Variants in KIF21A observed in about 807,000 individuals in gnomAD.
The protein encoded by KIF21A is kinesin family member 21A, also known as kinesin-like protein KIF21A.
A neutral mutation model predicts 202.9 loss-of-function variants in KIF21A; 114 were observed. The observed-to-expected ratio is 0.56, with a 90% CI of 0.48 to 0.66. KIF21A has a LOEUF of 0.66. Among genes scored for constraint, KIF21A ranks in the 30% least tolerant of loss-of-function variants. The pLI is 0.00. For synonymous variants in KIF21A, 667 were observed against 670.8 expected (o/e 0.99, Z 0.09); for missense variants, 1,677 against 1,994.9 (o/e 0.84, Z 3.04).
At chr12:39,433,695 A>G (rs528018770) in intron 1 of KIF21A, among the ~76,000 whole-genome samples, 1 of 152,356 alleles carries the variant, frequency 6.6e-6, no homozygotes, top group Admixed American at 6.5e-5. Flanking sequence ...GAAGAACTGT[A>G]CTAATTAAAA....
intron 1 of KIF21A, among the ~76,000 whole-genome samples, chr12:39,431,176 C>T (rs1937842291): frequency 6.6e-6 from 1 of 152,110 alleles, no homozygotes; most frequent in African/African-American, 2.4e-5. Flanking sequence ...AAGTAATGTC[C>T]AGAGATGACC....
chr12:39,414,862 A>C (rs1953409492), intron 1 of KIF21A, among the ~76,000 whole-genome samples: 1 of 152,112 alleles, frequency 6.6e-6, no homozygotes, highest in Non-Finnish European at 1.5e-5. Flanking sequence ...AACATGATGA[A>C]GATTACTTAC....
At chr12:39,427,663 TTTTG>T (rs112181911) in intron 1 of KIF21A, among the ~76,000 whole-genome samples, 3 of 152,160 alleles carry the variant, frequency 2.0e-5, no homozygotes, top group African/African-American at 7.2e-5. Flanking sequence ...ATTGCATCTT[TTTTG>T]TTTGTTTGTT....
At chr12:39,333,536 G>A (rs909312324) in intron 17 of KIF21A, among the ~76,000 whole-genome samples, 2 of 151,926 alleles carry the variant, frequency 1.3e-5, no homozygotes, top group African/African-American at 2.4e-5. Context: ...TGATACATTT[G>A]GTGCTTACTA....
chr12:39,294,293 A>G lies in KIF21A; in HGVS notation c.*131T>C. 1 of 699,376 alleles carries G rather than the reference A, an allele frequency of 1.4e-6. No homozygotes were observed. The highest frequency in any genetic ancestry group is 2.1e-5 in the Admixed American group (1 of 48,152). 43.3% of individuals were successfully genotyped at this position (699,376 alleles called of 1,614,324 possible). Reference sequence around the variant, plus strand: ...TATTAGAATACCATTTATAGTCAGCAGTTGAATTCAGATATATTTTCCAGT... The same window carrying G: ...TATTAGAATACCATTTATAGTCAGCGGTTGAATTCAGATATATTTTCCAGT... On this transcript the variant is annotated 3_prime_UTR_variant, in exon 38 of 38. Transcript: ENST00000361418.
chr12:39,315,250 A>G lies in KIF21A; in HGVS notation c.3948-10T>C, dbSNP rs1032678086. ...CTACCTTCTGGAGGATCTGCTGATGATCAGCAAAAATGGCCATAAAACAAG... is the reference window on the plus strand; with the variant it reads ...CTACCTTCTGGAGGATCTGCTGATGGTCAGCAAAAATGGCCATAAAACAAG... On this transcript the variant is annotated splice_polypyrimidine_tract_variant and intron_variant, in intron 30 of 37. Coordinates refer to ENST00000361418, the MANE Select transcript of KIF21A (RefSeq NM_001173464.2). 6.2e-7 allele frequency: 1 copy of G among 1,611,742 alleles called. No individual in the cohort carries two copies.
chr12:39,326,032 A>G, intron 25 of KIF21A, 139 bp from the exon 26 acceptor site: 1 of 699,678 alleles, frequency 1.4e-6, no homozygotes, highest in Non-Finnish European at 2.4e-6. Context: ...GTCAAAATGA[A>G]TTAATTTAAA....
chr12:39,335,226 A>T (rs1445362016), intron 17 of KIF21A, among the ~76,000 whole-genome samples: 2 of 152,032 alleles, frequency 1.3e-5, no homozygotes, highest in Non-Finnish European at 2.9e-5. Context: ...AGCCTGGCCA[A>T]CATGGTGAAA....
intron 7 of KIF21A, among the ~76,000 whole-genome samples, chr12:39,359,745 T>C (rs1949062978): frequency 6.6e-6 from 1 of 152,192 alleles, no homozygotes; most frequent in Non-Finnish European, 1.5e-5. Flanking sequence ...AAATTTATAT[T>C]AGCCTTCTTT....
chr12:39,397,282 C>G (rs1432160453), intron 1 of KIF21A, among the ~76,000 whole-genome samples: 1 of 151,950 alleles, frequency 6.6e-6, no homozygotes, highest in Non-Finnish European at 1.5e-5. Context: ...TTTGAAGAAC[C>G]ACAATTGATG....
At chr12:39,299,502 T>C (rs532218269) in intron 37 of KIF21A, among the ~76,000 whole-genome samples, 2 of 152,288 alleles carry the variant, frequency 1.3e-5, no homozygotes, top group East Asian at 3.9e-4. Flanking sequence ...CACTGGTTAG[T>C]AGGAGTGTAA....
chr12:39,387,161 TACACACACACACACACACACACACAC>T (rs3036323), intron 1 of KIF21A, among the ~76,000 whole-genome samples: 1 of 138,160 alleles, frequency 7.2e-6, no homozygotes, highest in East Asian at 2.1e-4. Flanking sequence ...ATGCAGTAGT[TACACACACACACACACACACACACAC>T]ACACACACAC....
At chr12:39,337,054 C>A (rs1280195543) in intron 17 of KIF21A, 42 bp downstream of exon 17, 1 of 1,325,052 alleles carries the variant, frequency 7.5e-7, no homozygotes, top group African/African-American at 1.4e-5. Flanking sequence ...TCTTTTTCAA[C>A]GTACAATTTT....
chr12:39,296,025 TAAAAAAAAAAAA>T (rs34017775), intron 37 of KIF21A, among the ~76,000 whole-genome samples: 1 of 86,774 alleles, frequency 1.2e-5, no homozygotes, highest in Non-Finnish European at 2.1e-5. Context: ...GTTTGTTTGT[TAAAAAAAAAAAA>T]AAAAAAAAAA....
At chr12:39,304,359 A>G (rs1428513189) in intron 35 of KIF21A, among the ~76,000 whole-genome samples, 1 of 152,154 alleles carries the variant, frequency 6.6e-6, no homozygotes, top group Non-Finnish European at 1.5e-5. Flanking sequence ...CCAAACCTAC[A>G]TCTCTAGTCA....
chr12:39,441,377 G>C (rs548818192), intron 1 of KIF21A, among the ~76,000 whole-genome samples: 1 of 152,024 alleles, frequency 6.6e-6, no homozygotes, highest in Admixed American at 6.5e-5. Flanking sequence ...TCTGTTTTCA[G>C]TAATATTTTA....
chr12:39,404,976 C>CT (rs150094448), intron 1 of KIF21A, among the ~76,000 whole-genome samples: 15,563 of 150,144 alleles, frequency 0.1, 1,837 homozygotes, highest in African/African-American at 0.29. Flanking sequence ...TTTCCTAAGG[C>CT]TTTTTTTTTC....
chr12:39,443,096 C>A lies in KIF21A; in HGVS notation c.-126G>T. ...GGGCGGGCGGCCGGCTCACCTCCGCCGCGCTCCAGCCATGTTGGGCGACTG... is the reference window on the plus strand; with the variant it reads ...GGGCGGGCGGCCGGCTCACCTCCGCAGCGCTCCAGCCATGTTGGGCGACTG... On this transcript the variant is annotated 5_prime_UTR_variant, in exon 1 of 38. Transcript: ENST00000361418. 2 of 925,418 alleles carry A rather than the reference C, an allele frequency of 2.2e-6. No homozygotes were observed. Among genetic ancestry groups the A allele is most frequent in the Non-Finnish European group, 3.0e-6 (2 of 667,108 alleles). The allele number at this position is 925,418 out of a possible 1,614,324, so 57.3% of individuals were successfully genotyped here.
chr12:39,356,861 A>G lies in KIF21A; in HGVS notation c.1440T>C (p.His480=), dbSNP rs767309518. The G allele has an allele frequency of 9.5e-6, 12 of 1,261,232 alleles. No individual in the cohort carries two copies. The South Asian group carries it at 1.3e-4, about 14-fold the overall frequency. The allele number at this position is 1,261,232 out of a possible 1,614,324, so 78.1% of individuals were successfully genotyped here. A position where few individuals can be genotyped will look rare whatever the true frequency, so the allele number is the denominator to read the frequency against. ...GATCTTCGATTTCTTTTATATAACT[A>G]TGAATCATATTACTAATCTCCTCAT... The part of the protein sequence containing the change: ...EGNEEISNMI[H]SYIKEIEDLR... Residue 480 remains histidine, a synonymous_variant, in exon 10 of 38, where the codon CAT becomes CAC. Coordinates refer to ENST00000361418, the MANE Select transcript of KIF21A (RefSeq NM_001173464.2).
Sources: allele counts gnomAD v4.1 joint callset (sites outside exome capture counted in the v4.1 genomes callset), GRCh38; gene constraint gnomAD v4.1.1; transcripts MANE v1.5; gene names NCBI Gene and HGNC (gene_info 2026-07-23, HGNC 2026-07-21).